The following CEP192 variants were observed in gnomAD, a reference collection of about 807,000 sequenced individuals.
The protein encoded by CEP192 is centrosomal protein of 192 kDa.
In CEP192, 151 loss-of-function variants were observed where a neutral mutation model predicts 271.8. That is an observed-to-expected ratio of 0.56 (90% CI 0.49 to 0.64). The LOEUF is 0.64. Ranked by LOEUF, CEP192 falls within the 30% of genes least tolerant of loss-of-function variation. The probability of loss-of-function intolerance (pLI) is 0.00; values close to 1 mark genes in which losing one functional copy is unlikely to be tolerated. For synonymous variants in CEP192, 995 were observed against 1,076.5 expected (o/e 0.92, Z 1.48); for missense variants, 2,910 against 3,020.5 (o/e 0.96, Z 0.86).
At chr18:13,037,438 T>C (rs2035976979) in intron 12 of CEP192, 137 bp downstream of exon 12, 1 of 490,214 alleles carries the variant, frequency 2.0e-6, no homozygotes, top group Admixed American at 4.1e-5. Context: ...AGACAACTTC[T>C]GCTTTTTCCC....
chr18:13,049,947 G>GA, intron 17 of CEP192, 56 bp downstream of exon 17: 1 of 1,396,832 alleles, frequency 7.2e-7, no homozygotes, highest in Non-Finnish European at 9.5e-7. Flanking sequence ...TATAGGAACT[G>GA]GGAAAAAAAT....
Position 13,117,573 on chromosome 18 carries a change from A to G in CEP192, c.7417-12A>G, listed in dbSNP as rs534224085. 6 of 1,588,172 alleles carry G rather than the reference A, an allele frequency of 3.8e-6. No homozygotes were observed. Among genetic ancestry groups the G allele is most frequent in the Middle Eastern group, 1.7e-4 (1 of 6,024 alleles). ...TTCATAACTTTATAAAGTGTCTTCT[A>G]TTAAATTCCAGCTGAAGTTTTTGAG... On this transcript the variant is annotated splice_polypyrimidine_tract_variant and intron_variant, in intron 43 of 44. Coordinates refer to ENST00000506447, the MANE Select transcript of CEP192 (RefSeq NM_032142.4).
intron 30 of CEP192, among the ~76,000 whole-genome samples, chr18:13,075,432 G>A (rs1239088298): frequency 6.6e-6 from 1 of 152,190 alleles, no homozygotes; most frequent in East Asian, 1.9e-4. Context: ...TGGGCATGGT[G>A]GCACACACCT....
chr18:13,049,013 T>A lies in CEP192; in HGVS notation c.2222T>A (p.Leu741His). ...PSQLAAMIKALSNKTRDKTFQ... is the reference protein window; with the variant it reads ...PSQLAAMIKAHSNKTRDKTFQ... ...CAACTTGCTGCAATGATCAAGGCAC[T>A]TTCAAATAAAACCAGAGACAAGACT... The change falls in exon 16 of 45, where the codon CTT (leucine) becomes CAT (histidine). Residue 741 changes from leucine to histidine, a missense_variant. Coordinates refer to ENST00000506447, the MANE Select transcript of CEP192 (RefSeq NM_032142.4). 1 of 1,614,150 alleles carries A rather than the reference T, an allele frequency of 6.2e-7. No individual in the cohort carries two copies. The highest frequency in any genetic ancestry group is 8.5e-7 in the Non-Finnish European group (1 of 1,180,024).
At position 13,114,285 on chromosome 18, in the gene CEP192, C is replaced by T. The variant is rs767293906; in HGVS notation, c.7289+34C>T. The T allele has an allele frequency of 3.2e-5, 52 of 1,606,366 alleles. 1 individual carries two copies. In the South Asian group the frequency reaches 5.5e-4, roughly 17 times the overall value. ...TTTTTGTCATTCTTATGAGTTTTTTCCCAGTACTTTATTGAGGAATAGAGT... is the reference window on the plus strand; with the variant it reads ...TTTTTGTCATTCTTATGAGTTTTTTTCCAGTACTTTATTGAGGAATAGAGT... On this transcript the variant is annotated intron_variant, in intron 42 of 44. Transcript: ENST00000506447.
At chr18:13,089,806 G>C (rs907952002) in intron 33 of CEP192, among the ~76,000 whole-genome samples, 1 of 152,218 alleles carries the variant, frequency 6.6e-6, no homozygotes, top group African/African-American at 2.4e-5. Context: ...ATACAGAGTT[G>C]TTATAAGTAT....
chr18:13,057,092 C>T (rs942887094), intron 19 of CEP192, among the ~76,000 whole-genome samples: 5 of 152,174 alleles, frequency 3.3e-5, no homozygotes, highest in African/African-American at 9.6e-5. Flanking sequence ...CAGCTTCTCT[C>T]TGGGAGCTGT....
At chr18:13,001,271 A>G (rs995760669) in intron 2 of CEP192, among the ~76,000 whole-genome samples, 186 bp from the exon 3 acceptor site, 1 of 152,188 alleles carries the variant, frequency 6.6e-6, no homozygotes, top group African/African-American at 2.4e-5. Flanking sequence ...TTGAATACAG[A>G]TAAACTCCCT....
chr18:13,030,702 C>G (rs2035570780), intron 11 of CEP192, 94 bp downstream of exon 11: 2 of 929,116 alleles, frequency 2.2e-6, no homozygotes. Context: ...CATCAGATCC[C>G]TTCTGGACTA....
intron 9 of CEP192, among the ~76,000 whole-genome samples, chr18:13,024,811 C>T (rs900997012): frequency 1.3e-5 from 2 of 151,472 alleles, no homozygotes; most frequent in Non-Finnish European, 1.5e-5. Context: ...GCTCTGTTGC[C>T]CAGGCTCTAG....
At chr18:13,110,099 A>T (rs1320752836) in intron 40 of CEP192, among the ~76,000 whole-genome samples, 5 of 152,172 alleles carry the variant, frequency 3.3e-5, no homozygotes, top group African/African-American at 9.7e-5. Context: ...ATCTAAGCCC[A>T]CTTTATTCTT....
chr18:13,098,419 C>T (rs2039524381), intron 36 of CEP192, among the ~76,000 whole-genome samples: 1 of 147,206 alleles, frequency 6.8e-6, no homozygotes, highest in African/African-American at 2.4e-5. Flanking sequence ...CCTCACTTCT[C>T]AGACGGGGCG....
At chr18:13,100,037 C>T (rs905219170) in intron 37 of CEP192, among the ~76,000 whole-genome samples, 1 of 152,140 alleles carries the variant, frequency 6.6e-6, no homozygotes, top group Non-Finnish European at 1.5e-5. Context: ...CCATAGTGAT[C>T]AGAACAATTC....
chr18:13,034,409 T>A (rs944094763), intron 11 of CEP192, among the ~76,000 whole-genome samples: 1 of 152,060 alleles, frequency 6.6e-6, no homozygotes, highest in Non-Finnish European at 1.5e-5. Context: ...AAAGGAGATA[T>A]TCAGAAAAGG....
Position 13,116,403 on chromosome 18 carries a change from T to C in CEP192, c.7316T>C (p.Val2439Ala), listed in dbSNP as rs1281264362. The part of the protein sequence containing the change: ...PEQLDVTARG[V>A]YAPEDVYRFR... The stretch of plus-strand genomic sequence containing the variant: ...CAGCTTGATGTGACTGCTCGTGGAG[T>C]TTATGCCCCAGAGGATGTGTACAGG... Residue 2439 changes from valine to alanine, a missense_variant, in exon 43 of 45, where the codon GTT becomes GCT. Val to Ala is a moderately conservative substitution (Grantham distance 64). Transcript: ENST00000506447. 1.2e-6 allele frequency: 2 copies of C among 1,612,256 alleles called. No homozygotes were observed. Among genetic ancestry groups the C allele is most frequent in the African/African-American group, 2.7e-5 (2 of 74,744 alleles).
chr18:13,065,048 TG>T (rs1473288475), intron 21 of CEP192, among the ~76,000 whole-genome samples: 1 of 152,296 alleles, frequency 6.6e-6, no homozygotes, highest in East Asian at 1.9e-4. Context: ...GTATTGTAAA[TG>T]GGATTACTTT....
At chr18:13,022,223 T>C (rs1267131645) in intron 9 of CEP192, among the ~76,000 whole-genome samples, 1 of 152,228 alleles carries the variant, frequency 6.6e-6, no homozygotes, top group Non-Finnish European at 1.5e-5. Flanking sequence ...TCTGCTGATC[T>C]GTTTGTTCTT....
intron 9 of CEP192, among the ~76,000 whole-genome samples, chr18:13,025,011 A>G (rs1599104152): frequency 6.6e-6 from 1 of 151,896 alleles, no homozygotes; most frequent in African/African-American, 2.4e-5. Context: ...ACCTCAAGTG[A>G]TCCACCCGCC....
intron 40 of CEP192, among the ~76,000 whole-genome samples, chr18:13,110,413 AATATTT>A (rs2040155781): frequency 6.6e-6 from 1 of 150,898 alleles, no homozygotes; most frequent in Admixed American, 6.6e-5. Flanking sequence ...AATAAACCCT[AATATTT>A]ATAATCAATT....
Sources: gnomAD v4.1 joint callset for allele counts (sites outside exome capture counted in the v4.1 genomes callset) on GRCh38, gnomAD v4.1.1 for gene constraint, MANE v1.5 for transcripts, NCBI Gene and HGNC (gene_info 2026-07-23, HGNC 2026-07-21) for gene names.